The following CDC73 variants were observed in gnomAD, a reference collection of about 807,000 sequenced individuals.
The protein encoded by CDC73 is cell division cycle 73.
In CDC73, 21 loss-of-function variants were observed where a neutral mutation model predicts 83.7. The ratio of observed to expected loss-of-function variants is 0.25; its 90% confidence interval spans 0.18 to 0.36. The LOEUF (loss-of-function observed/expected upper bound fraction) is 0.36, where lower values mean the gene tolerates loss of function less well. CDC73 is among the 10% of genes least tolerant of loss of function. CDC73 has a pLI of 1.00. For synonymous variants in CDC73, 224 were observed against 212.9 expected, an observed-to-expected ratio of 1.05 and a Z score of -0.45; for missense variants, 342 against 653.3, an observed-to-expected ratio of 0.52 and a Z score of 5.19.
At chr1:193,198,132 A>G (rs747358225) in intron 10 of CDC73, among the ~76,000 whole-genome samples, 16 of 152,168 alleles carry the variant, frequency 1.1e-4, no homozygotes, top group Non-Finnish European at 2.1e-4. Flanking sequence ...CCTGCCATGC[A>G]CCTGGCTGTA....
chr1:193,178,195 C>T (rs1676645374), intron 10 of CDC73, among the ~76,000 whole-genome samples: 1 of 152,054 alleles, frequency 6.6e-6, no homozygotes, highest in Non-Finnish European at 1.5e-5. Context: ...GGATTTTCAA[C>T]AGTACAAAGA....
intron 9 of CDC73, among the ~76,000 whole-genome samples, chr1:193,151,760 T>C (rs1266636283): frequency 1.3e-5 from 2 of 152,000 alleles, no homozygotes; most frequent in African/African-American, 2.4e-5. Context: ...GCATCTCTAC[T>C]AAAAATACAA....
intron 15 of CDC73, among the ~76,000 whole-genome samples, chr1:193,238,817 G>A (rs1184233368): frequency 6.6e-6 from 1 of 152,166 alleles, no homozygotes; most frequent in Non-Finnish European, 1.5e-5. Context: ...AAGTGGGAGT[G>A]GGTTATCATA....
intron 13 of CDC73, among the ~76,000 whole-genome samples, chr1:193,225,115 CA>C: frequency 6.6e-6 from 1 of 152,030 alleles, no homozygotes; most frequent in East Asian, 1.9e-4. Flanking sequence ...CTCCCACTTA[CA>C]AATGAGATCA....
intron 10 of CDC73, among the ~76,000 whole-genome samples, chr1:193,159,582 G>A (rs1237873383): frequency 1.3e-5 from 2 of 151,890 alleles, no homozygotes; most frequent in Non-Finnish European, 2.9e-5. Context: ...GGCTGGTTGC[G>A]AACTCCTGAC....
intron 8 of CDC73, among the ~76,000 whole-genome samples, chr1:193,149,191 A>G (rs962168694): frequency 6.6e-6 from 1 of 152,180 alleles, no homozygotes; most frequent in Non-Finnish European, 1.5e-5. Flanking sequence ...CTTTGAGCTT[A>G]TAGTCTAATA....
At chr1:193,243,323 T>G (rs948351403) in intron 15 of CDC73, among the ~76,000 whole-genome samples, 2 of 152,234 alleles carry the variant, frequency 1.3e-5, no homozygotes, top group African/African-American at 2.4e-5. Context: ...TGATAATATG[T>G]TGGTGTAAGT....
intron 15 of CDC73, among the ~76,000 whole-genome samples, chr1:193,247,139 A>G (rs1281528636): frequency 2.6e-5 from 4 of 152,016 alleles, no homozygotes; most frequent in African/African-American, 7.2e-5. Flanking sequence ...GTTTGTGGCA[A>G]CCTTGTGTGT....
chr1:193,175,767 C>T (rs979509186), intron 10 of CDC73, among the ~76,000 whole-genome samples: 2 of 152,180 alleles, frequency 1.3e-5, no homozygotes, highest in Non-Finnish European at 2.9e-5. Context: ...ACTTGAGCAT[C>T]TGTGGATTTT....
At chr1:193,239,954 A>G (rs1481442462) in intron 15 of CDC73, among the ~76,000 whole-genome samples, 1 of 152,154 alleles carries the variant, frequency 6.6e-6, no homozygotes, top group African/African-American at 2.4e-5. Context: ...TTCTACCTGT[A>G]TGTTTGTACA....
chr1:193,238,766 A>C (rs1677808166), intron 15 of CDC73, among the ~76,000 whole-genome samples: 1 of 152,170 alleles, frequency 6.6e-6, no homozygotes, highest in Non-Finnish European at 1.5e-5. Context: ...AGAAAACGTT[A>C]AGAAAATCGT....
chr1:193,179,431 A>G (rs1278123929), intron 10 of CDC73: 1 of 152,674 alleles, frequency 6.5e-6, no homozygotes, highest in East Asian at 1.9e-4. Context: ...TGCTTCGATT[A>G]TCTTTACAGA....
At chr1:193,192,590 AAT>A (rs1412870595) in intron 10 of CDC73, among the ~76,000 whole-genome samples, 1 of 152,210 alleles carries the variant, frequency 6.6e-6, no homozygotes, top group Non-Finnish European at 1.5e-5. Flanking sequence ...CCCGATTAGA[AAT>A]AGGGACTTCA....
At chr1:193,204,207 G>GTA (rs1243655200) in intron 11 of CDC73, among the ~76,000 whole-genome samples, 1 of 14,738 alleles carries the variant, frequency 6.8e-5, no homozygotes, top group Non-Finnish European at 1.5e-4. Flanking sequence ...ATATATACGT[G>GTA]TATATATATG....
At position 193,251,996 on chromosome 1, in the gene CDC73, G is replaced by A. The variant is rs1428304405; in HGVS notation, c.*1284G>A. On this transcript the variant is annotated 3_prime_UTR_variant, in exon 17 of 17. Transcript: ENST00000367435. ...CTAGGTTAACATATTTTTGGTGAAC[G>A]TTTAGGCCTTTCATAGGTATTAAGC... The A allele has an allele frequency of 4.3e-6, 1 of 231,174 alleles. No individual in the cohort carries two copies. The allele number at this position is 231,174 out of a possible 1,614,324, so 14.3% of individuals were successfully genotyped here.
In CDC73 at chr1:193,142,109, G is replaced by T. The variant is rs372300806; in HGVS notation, c.729+43G>T. On this transcript the variant is annotated intron_variant, in intron 7 of 16. Coordinates refer to ENST00000367435, the MANE Select transcript of CDC73 (RefSeq NM_024529.5). ...CTCATTCATTGGAGTGAGAGAGAGAGAGAGAGAGTGCGTTTAATCTGTGGT... is the reference window on the plus strand; with the variant it reads ...CTCATTCATTGGAGTGAGAGAGAGATAGAGAGAGTGCGTTTAATCTGTGGT... The T allele has an allele frequency of 4.0e-6, 6 of 1,482,216 alleles. No homozygotes were observed. In the South Asian group the frequency reaches 6.8e-5, roughly 17 times the overall value. 91.8% of individuals were successfully genotyped at this position (1,482,216 alleles called of 1,614,324 possible).
intron 8 of CDC73, 74 bp from the exon 9 acceptor site, chr1:193,150,230 T>C: frequency 4.8e-6 from 5 of 1,050,074 alleles, no homozygotes; most frequent in Admixed American, 3.6e-5. Flanking sequence ...ATGGTCATGC[T>C]ACTGCACTCC....
chr1:193,181,974 A>G (rs1165175570), intron 10 of CDC73, among the ~76,000 whole-genome samples: 1 of 152,178 alleles, frequency 6.6e-6, no homozygotes, highest in Non-Finnish European at 1.5e-5. Context: ...TTAAAAGTTG[A>G]ATGTATTCGA....
At chr1:193,211,226 G>C (rs1051925254) in intron 11 of CDC73, among the ~76,000 whole-genome samples, 1 of 152,118 alleles carries the variant, frequency 6.6e-6, no homozygotes, top group East Asian at 1.9e-4. Flanking sequence ...ACCAGAACAT[G>C]TTTCTCTTAT....
Sources: gnomAD v4.1 joint callset for allele counts (sites outside exome capture counted in the v4.1 genomes callset) on GRCh38, gnomAD v4.1.1 for gene constraint, MANE v1.5 for transcripts, NCBI Gene and HGNC (gene_info 2026-07-23, HGNC 2026-07-21) for gene names.